PDGFC: variants seen among roughly 807,000 people sequenced by gnomAD.
The protein encoded by PDGFC is platelet-derived growth factor C.
PDGFC carries 12 observed loss-of-function variants against 35.5 expected under a neutral mutation model. That is an observed-to-expected ratio of 0.34 (90% CI 0.22 to 0.55). The LOEUF is 0.55. Among genes scored for constraint, PDGFC ranks in the 20% least tolerant of loss-of-function variants. The pLI is 0.91. For synonymous variants in PDGFC, 159 were observed against 148.8 expected, an observed-to-expected ratio of 1.07 and a Z score of -0.50; for missense variants, 322 against 412.4, an observed-to-expected ratio of 0.78 and a Z score of 1.90.
intron 2 of PDGFC, among the ~76,000 whole-genome samples, chr4:156,819,868 G>A (rs1396064270): frequency 1.3e-5 from 2 of 152,188 alleles, no homozygotes; most frequent in East Asian, 3.8e-4. Context: ...CATTCTTGAT[G>A]CCATTAACAA....
At chr4:156,966,402 T>G (rs1291351289) in intron 1 of PDGFC, among the ~76,000 whole-genome samples, 1 of 152,140 alleles carries the variant, frequency 6.6e-6, no homozygotes, top group Non-Finnish European at 1.5e-5. Context: ...CCATTTTGGT[T>G]GATACAAACA....
chr4:156,788,718 T>C (rs1197593416), intron 3 of PDGFC, among the ~76,000 whole-genome samples: 1 of 152,222 alleles, frequency 6.6e-6, no homozygotes, highest in Non-Finnish European at 1.5e-5. Flanking sequence ...TTGGTTAATA[T>C]GAATGCTCAT....
At position 156,823,461 on chromosome 4, in the gene PDGFC, T is replaced by C. The variant is rs186305355; in HGVS notation, c.315-12444A>G. Among the ~76,000 whole-genome samples the C allele has an allele frequency of 4.7e-3, 716 of 152,330 alleles. 2 individuals carry two copies. Among genetic ancestry groups the C allele is most frequent in the African/African-American group, 0.017 (687 of 41,586 alleles). On this transcript the variant is annotated intron_variant, in intron 2 of 5. Coordinates refer to ENST00000502773, the MANE Select transcript of PDGFC (RefSeq NM_016205.3). ...TGATAGTTTTGTTTTGTTCTCTTCT[T>C]ATTATTGCTATTATTGCAACAATAC...
intron 1 of PDGFC, among the ~76,000 whole-genome samples, chr4:156,892,777 T>C (rs561554209): frequency 1.2e-4 from 19 of 152,360 alleles, no homozygotes; most frequent in Admixed American, 9.8e-4. Flanking sequence ...TGCATAAGCA[T>C]GTTGAACCAC....
rs534743604 is a variant in PDGFC at position 156,829,153 on chromosome 4, C to T, written c.315-18136G>A. 5.1e-4 allele frequency among the ~76,000 whole-genome samples: 77 copies of T among 152,218 alleles called. 2 individuals carry two copies. In the South Asian group the frequency reaches 0.016, roughly 31 times the overall value. ...TAAAAGTAGGAAAACAACTTTCTAACTCTTATGATCTACTAAGATCATCAC... is the reference window on the plus strand; with the variant it reads ...TAAAAGTAGGAAAACAACTTTCTAATTCTTATGATCTACTAAGATCATCAC... On this transcript the variant is annotated intron_variant, in intron 2 of 5. Transcript: ENST00000502773.
At chr4:156,788,797 TA>T (rs1731198293) in intron 3 of PDGFC, among the ~76,000 whole-genome samples, 1 of 152,234 alleles carries the variant, frequency 6.6e-6, no homozygotes, top group Non-Finnish European at 1.5e-5. Flanking sequence ...TTTATCTTGC[TA>T]AATGTCTTCC....
chr4:156,790,597 C>T (rs1333301226), intron 3 of PDGFC, among the ~76,000 whole-genome samples: 2 of 152,120 alleles, frequency 1.3e-5, no homozygotes, highest in Admixed American at 1.3e-4. Context: ...GACAATCTTC[C>T]CCCTAAATTG....
At chr4:156,904,186 G>A (rs1730859854) in intron 1 of PDGFC, among the ~76,000 whole-genome samples, 1 of 152,046 alleles carries the variant, frequency 6.6e-6, no homozygotes, top group Admixed American at 6.6e-5. Flanking sequence ...TCATTGGACA[G>A]AAAACGGAGT....
At chr4:156,915,777 C>A (rs1309336129) in intron 1 of PDGFC, among the ~76,000 whole-genome samples, 2 of 151,916 alleles carry the variant, frequency 1.3e-5, no homozygotes, top group Admixed American at 1.3e-4. Context: ...TGAGACTCTG[C>A]TTTAATTAAA....
At chr4:156,909,135 T>C (rs549116967) in intron 1 of PDGFC, among the ~76,000 whole-genome samples, 32 of 152,270 alleles carry the variant, frequency 2.1e-4, no homozygotes, top group Middle Eastern at 3.4e-3. Flanking sequence ...AGTATTACTT[T>C]TTGAGATAAT....
At chr4:156,822,356 CAAAAAA>C (rs397878245) in intron 2 of PDGFC, among the ~76,000 whole-genome samples, 7,801 of 70,286 alleles carry the variant, frequency 0.11, 707 homozygotes, top group African/African-American at 0.3. Context: ...GAAACTGTCT[CAAAAAA>C]AAAAAAAAAA....
chr4:156,892,195 T>A (rs72976516), intron 1 of PDGFC, among the ~76,000 whole-genome samples: 3 of 152,160 alleles, frequency 2.0e-5, no homozygotes, highest in Admixed American at 6.5e-5. Context: ...ATAAAAAGTA[T>A]AAATAAAGCA....
At chr4:156,947,220 T>A (rs1016666276) in intron 1 of PDGFC, among the ~76,000 whole-genome samples, 2 of 151,968 alleles carry the variant, frequency 1.3e-5, no homozygotes, top group Non-Finnish European at 2.9e-5. Context: ...TTATTCAGGA[T>A]CTGTGTGTAT....
At chr4:156,865,758 G>A (rs1729825899) in intron 1 of PDGFC, among the ~76,000 whole-genome samples, 2 of 152,166 alleles carry the variant, frequency 1.3e-5, no homozygotes, top group Admixed American at 1.3e-4. Flanking sequence ...TTCCTTCTCT[G>A]GCAACAGTAA....
In PDGFC at chr4:156,845,083, T is replaced by C. The variant is rs144522369; in HGVS notation, c.314+5138A>G. Among the ~76,000 whole-genome samples, 1,501 of 151,974 alleles carry C rather than the reference T, an allele frequency of 9.9e-3. 19 individuals are homozygous for C. Among genetic ancestry groups the C allele is most frequent in the African/African-American group, 0.035 (1,441 of 41,540 alleles). On this transcript the variant is annotated intron_variant, in intron 2 of 5. Coordinates refer to ENST00000502773, the MANE Select transcript of PDGFC (RefSeq NM_016205.3). ...TTATTCAAAACACAACTTAGAAATCTGTAACTGCATTTTAAAAACTCATAT... is the reference window on the plus strand; with the variant it reads ...TTATTCAAAACACAACTTAGAAATCCGTAACTGCATTTTAAAAACTCATAT...
chr4:156,952,968 T>C (rs1732118526), intron 1 of PDGFC, among the ~76,000 whole-genome samples: 2 of 151,894 alleles, frequency 1.3e-5, no homozygotes, highest in South Asian at 2.1e-4. Flanking sequence ...AAATAAAACA[T>C]AATGAATTTT....
chr4:156,851,944 A>AAAAAAAAAAAC (rs1729466961), intron 1 of PDGFC, among the ~76,000 whole-genome samples: 1 of 149,856 alleles, frequency 6.7e-6, no homozygotes, highest in African/African-American at 2.5e-5. Flanking sequence ...AAAAAAAAAA[A>AAAAAAAAAAAC]AAAAAAAAAA....
chr4:156,942,198 C>T (rs528344834), intron 1 of PDGFC, among the ~76,000 whole-genome samples: 1 of 152,174 alleles, frequency 6.6e-6, no homozygotes, highest in South Asian at 2.1e-4. Context: ...AGTATAAATA[C>T]ATGCCATTCC....
At chr4:156,958,419 T>G (rs934860915) in intron 1 of PDGFC, among the ~76,000 whole-genome samples, 1 of 152,020 alleles carries the variant, frequency 6.6e-6, no homozygotes, top group Non-Finnish European at 1.5e-5. Context: ...CTGAAGCAGT[T>G]ATTTCTGCTG....
Sources: allele counts gnomAD v4.1 joint callset (sites outside exome capture counted in the v4.1 genomes callset), GRCh38; gene constraint gnomAD v4.1.1; transcripts MANE v1.5; gene names NCBI Gene and HGNC (gene_info 2026-07-23, HGNC 2026-07-21).